Variants in CNTN5 observed in about 807,000 individuals in gnomAD.
The protein encoded by CNTN5 is contactin-5.
A neutral mutation model predicts 129.1 loss-of-function variants in CNTN5; 77 were observed. The observed-to-expected ratio is 0.60, with a 90% CI of 0.50 to 0.72. The LOEUF (loss-of-function observed/expected upper bound fraction) is 0.72, where lower values mean the gene tolerates loss of function less well. CNTN5 is among the 30% of genes least tolerant of loss of function. The probability of loss-of-function intolerance (pLI) is 0.00; values close to 1 mark genes in which losing one functional copy is unlikely to be tolerated. For synonymous variants in CNTN5, 509 were observed against 465.6 expected, an observed-to-expected ratio of 1.09 and a Z score of -1.20; for missense variants, 1,478 against 1,328.8, an observed-to-expected ratio of 1.11 and a Z score of -1.75.
chr11:99,178,502 CAG>C (rs1158560369), intron 1 of CNTN5, among the ~76,000 whole-genome samples: 1 of 151,986 alleles, frequency 6.6e-6, no homozygotes, highest in Non-Finnish European at 1.5e-5. Context: ...GCCTGGGTGA[CAG>C]AGTGAGACCT....
At chr11:99,560,268 G>GTATTATTATTATTATTATTAT (rs35741733) in intron 3 of CNTN5, among the ~76,000 whole-genome samples, 1 of 141,978 alleles carries the variant, frequency 7.0e-6, no homozygotes, top group Non-Finnish European at 1.5e-5. Flanking sequence ...GAATCTAACT[G>GTATTATTATTATTATTATTAT]TATTATTATT....
chr11:100,011,478 C>G (rs1223381990), intron 9 of CNTN5, among the ~76,000 whole-genome samples: 1 of 152,094 alleles, frequency 6.6e-6, no homozygotes, highest in Non-Finnish European at 1.5e-5. Flanking sequence ...TGTTTCTTAT[C>G]TTGCTCTTGC....
chr11:99,811,256 C>CGTA (rs1946419943), intron 3 of CNTN5, among the ~76,000 whole-genome samples: 1 of 151,708 alleles, frequency 6.6e-6, no homozygotes, highest in Non-Finnish European at 1.5e-5. Context: ...GTAAACATAC[C>CGTA]TCTCATATTT....
intron 3 of CNTN5, among the ~76,000 whole-genome samples, chr11:99,683,178 T>G (rs946054043): frequency 1.3e-5 from 2 of 151,908 alleles, no homozygotes; most frequent in African/African-American, 2.4e-5. Context: ...CCAATTTTTT[T>G]ATTGTTAGTA....
intron 9 of CNTN5, among the ~76,000 whole-genome samples, chr11:100,049,366 C>CA (rs1218967139): frequency 6.7e-6 from 1 of 150,374 alleles, no homozygotes; most frequent in Non-Finnish European, 1.5e-5. Flanking sequence ...ACACATAGCA[C>CA]AAAAAACAAA....
intron 8 of CNTN5, among the ~76,000 whole-genome samples, chr11:99,996,165 C>G (rs1332799010): frequency 6.6e-6 from 1 of 152,100 alleles, no homozygotes; most frequent in Non-Finnish European, 1.5e-5. Flanking sequence ...ACCTCATTGT[C>G]TGCCGAGTTT....
At chr11:99,841,347 C>T (rs551132389) in intron 4 of CNTN5, among the ~76,000 whole-genome samples, 1 of 152,082 alleles carries the variant, frequency 6.6e-6, no homozygotes, top group Non-Finnish European at 1.5e-5. Flanking sequence ...TATTTTATTT[C>T]TCTTGTCCTG....
At chr11:100,183,249 T>C (rs1948193944) in intron 13 of CNTN5, among the ~76,000 whole-genome samples, 1 of 152,166 alleles carries the variant, frequency 6.6e-6, no homozygotes, top group Non-Finnish European at 1.5e-5. Flanking sequence ...ATCTTAAATA[T>C]TTACCCAAAA....
intron 16 of CNTN5, among the ~76,000 whole-genome samples, chr11:100,235,377 G>T (rs1054909683): frequency 1.3e-5 from 2 of 152,186 alleles, no homozygotes; most frequent in Admixed American, 6.5e-5. Context: ...CTTCTGAAAG[G>T]TTGGAAGGCT....
chr11:99,195,261 T>C (rs1858844285), intron 1 of CNTN5, among the ~76,000 whole-genome samples: 1 of 152,168 alleles, frequency 6.6e-6, no homozygotes, highest in Non-Finnish European at 1.5e-5. Context: ...ATGCCCCTAT[T>C]ACTAGACATT....
In CNTN5 at chr11:99,257,434, TA is replaced by T. The variant is rs551769271; in HGVS notation, c.-209-67911del. The stretch of plus-strand genomic sequence containing the variant: ...AGTTTGTCAAACTATCCATCTTTAC[TA>T]GTTTGTCAAACTATCCATACCTATC... On this transcript the variant is annotated intron_variant, in intron 1 of 24. Coordinates refer to ENST00000524871, the MANE Select transcript of CNTN5 (RefSeq NM_014361.4). 1.7e-3 allele frequency among the ~76,000 whole-genome samples: 256 copies of T among 152,248 alleles called. 2 individuals are homozygous for T. Among genetic ancestry groups the T allele is most frequent in the African/African-American group, 5.8e-3 (243 of 41,582 alleles).
chr11:99,831,329 A>G (rs1194238522), intron 4 of CNTN5, among the ~76,000 whole-genome samples: 1 of 152,216 alleles, frequency 6.6e-6, no homozygotes, highest in Non-Finnish European at 1.5e-5. Context: ...GAGATGCTTA[A>G]CGAAGTGGTA....
rs368475866 is a variant in CNTN5 at position 99,904,128 on chromosome 11, TTATA to T, written c.578-11922_578-11919del. Among the ~76,000 whole-genome samples the T allele has an allele frequency of 3.6e-3, 545 of 152,312 alleles. 6 individuals carry two copies. Among genetic ancestry groups the T allele is most frequent in the African/African-American group, 0.012 (485 of 41,584 alleles). ...CATCATATATAGATAATTTTGTATC[TTATA>T]TATGCTTTTTATTATACGTTAAGTT... On this transcript the variant is annotated intron_variant, in intron 6 of 24. Transcript: ENST00000524871.
Position 99,021,124 on chromosome 11 carries a change from A to G in CNTN5, c.-356A>G, listed in dbSNP as rs145581668. On this transcript the variant is annotated 5_prime_UTR_variant, in exon 1 of 25. An upstream start codon of the reference 5' UTR is lost. Transcript: ENST00000524871. ...GGGCAAGCTGGAGGATTCCCTCTGA[A>G]TGATTAAGAACTCCGCAATTCGCCT... The G allele has an allele frequency of 2.6e-5, 4 of 152,662 alleles. No homozygotes were observed. Among genetic ancestry groups the G allele is most frequent in the Non-Finnish European group, 5.9e-5 (4 of 68,326 alleles). The allele number at this position is 152,662 out of a possible 1,614,324, so 9.5% of individuals were successfully genotyped here. A position where few individuals can be genotyped will look rare whatever the true frequency, so the allele number is the denominator to read the frequency against.
chr11:100,112,681 G>A (rs962710696), intron 13 of CNTN5, among the ~76,000 whole-genome samples: 6 of 152,064 alleles, frequency 3.9e-5, no homozygotes, highest in African/African-American at 9.7e-5. Flanking sequence ...AATAGGCAGC[G>A]CACATCTTTC....
chr11:99,954,271 C>T (rs980445934), intron 7 of CNTN5, among the ~76,000 whole-genome samples: 4 of 152,172 alleles, frequency 2.6e-5, no homozygotes, highest in African/African-American at 9.7e-5. Context: ...TCAAAGTGGT[C>T]ATTGTCTGCT....
intron 3 of CNTN5, among the ~76,000 whole-genome samples, chr11:99,572,760 GT>G (rs200944884): frequency 6.6e-5 from 2 of 30,178 alleles, no homozygotes; most frequent in African/African-American, 1.3e-4. Context: ...ATAATTGAGG[GT>G]TTTTTTTAAA....
At chr11:99,622,848 T>A in intron 3 of CNTN5, among the ~76,000 whole-genome samples, 2 of 114,242 alleles carry the variant, frequency 1.8e-5, no homozygotes, top group Middle Eastern at 0.01. Context: ...AAAAAAAAAG[T>A]GCCAAGTGAA....
intron 1 of CNTN5, among the ~76,000 whole-genome samples, chr11:99,264,442 A>T (rs978196123): frequency 2.0e-5 from 3 of 152,052 alleles, no homozygotes; most frequent in African/African-American, 7.2e-5. Context: ...TTAAAGTCTT[A>T]CCATCCTCGG....
Sources: allele counts gnomAD v4.1 joint callset (sites outside exome capture counted in the v4.1 genomes callset), GRCh38; gene constraint gnomAD v4.1.1; transcripts MANE v1.5; gene names NCBI Gene and HGNC (gene_info 2026-07-23, HGNC 2026-07-21).